HS6ST3: variants seen among roughly 807,000 people sequenced by gnomAD.
The protein encoded by HS6ST3 is heparan sulfate 6-O-sulfotransferase 3, also known as heparan-sulfate 6-O-sulfotransferase 3.
A neutral mutation model predicts 36.7 loss-of-function variants in HS6ST3; 12 were observed. The observed-to-expected ratio is 0.33, with a 90% CI of 0.21 to 0.53. The LOEUF (loss-of-function observed/expected upper bound fraction) is 0.53, where lower values mean the gene tolerates loss of function less well. Ranked by LOEUF, HS6ST3 falls within the 20% of genes least tolerant of loss-of-function variation. The pLI is 0.95. For synonymous variants in HS6ST3, 240 were observed against 257.5 expected (o/e 0.93, Z 0.65); for missense variants, 584 against 640.9 (o/e 0.91, Z 0.96).
intron 1 of HS6ST3, among the ~76,000 whole-genome samples, chr13:96,828,679 T>C (rs1273634317): frequency 6.7e-6 from 1 of 150,178 alleles, no homozygotes; most frequent in African/African-American, 2.5e-5. Context: ...CTGGAATGGG[T>C]TAGACTCTTA....
intron 1 of HS6ST3, among the ~76,000 whole-genome samples, chr13:96,622,608 A>G (rs910035414): frequency 3.3e-5 from 1 of 30,444 alleles, no homozygotes; most frequent in African/African-American, 1.3e-4. Flanking sequence ...CTTTTAAAAC[A>G]ATTACTATAA....
chr13:96,814,737 C>T (rs1282161040), intron 1 of HS6ST3, among the ~76,000 whole-genome samples: 2 of 152,020 alleles, frequency 1.3e-5, no homozygotes, highest in Non-Finnish European at 2.9e-5. Flanking sequence ...TGACAAGTTG[C>T]CGGGTCCCCA....
At chr13:96,122,034 G>A (rs1216284589) in intron 1 of HS6ST3, among the ~76,000 whole-genome samples, 1 of 151,714 alleles carries the variant, frequency 6.6e-6, no homozygotes. Flanking sequence ...GAATTTAGAC[G>A]CAATTCCTCT....
chr13:96,257,004 A>G (rs997647552), intron 1 of HS6ST3, among the ~76,000 whole-genome samples: 2 of 152,306 alleles, frequency 1.3e-5, no homozygotes, highest in Non-Finnish European at 2.9e-5. Flanking sequence ...CAGCTGGAGC[A>G]TTTCTCAAAA....
At chr13:96,790,070 A>C (rs562917773) in intron 1 of HS6ST3, among the ~76,000 whole-genome samples, 1 of 152,006 alleles carries the variant, frequency 6.6e-6, no homozygotes, top group African/African-American at 2.4e-5. Context: ...TTTTCCTGTG[A>C]GTCCACAAGG....
intron 1 of HS6ST3, among the ~76,000 whole-genome samples, chr13:96,102,555 T>C (rs557036965): frequency 1.2e-4 from 18 of 152,322 alleles, no homozygotes; most frequent in African/African-American, 4.1e-4. Context: ...GACTGAGGCC[T>C]AAAACACCAC....
intron 1 of HS6ST3, among the ~76,000 whole-genome samples, chr13:96,123,177 T>C (rs1450317179): frequency 2.6e-5 from 4 of 152,222 alleles, no homozygotes; most frequent in Admixed American, 2.6e-4. Flanking sequence ...AGCTACTTGC[T>C]ATCTCTACTT....
intron 1 of HS6ST3, among the ~76,000 whole-genome samples, chr13:96,820,726 A>G (rs949133793): frequency 1.3e-5 from 2 of 152,266 alleles, no homozygotes; most frequent in Non-Finnish European, 2.9e-5. Flanking sequence ...CTCCATATAA[A>G]GTGAAGTTCC....
intron 1 of HS6ST3, among the ~76,000 whole-genome samples, chr13:96,436,063 G>A (rs1218322744): frequency 1.3e-5 from 2 of 152,046 alleles, no homozygotes; most frequent in Non-Finnish European, 2.9e-5. Flanking sequence ...TGTTCTCTTT[G>A]GGTGTCTCTT....
At chr13:96,694,181 C>T (rs1875055792) in intron 1 of HS6ST3, among the ~76,000 whole-genome samples, 1 of 152,102 alleles carries the variant, frequency 6.6e-6, no homozygotes, top group African/African-American at 2.4e-5. Context: ...ACCCTCCATC[C>T]TCTGAAAGGC....
At chr13:96,653,306 CT>C (rs2056613881) in intron 1 of HS6ST3, among the ~76,000 whole-genome samples, 3 of 152,136 alleles carry the variant, frequency 2.0e-5, no homozygotes, top group African/African-American at 7.2e-5. Flanking sequence ...ATTTGTTGCA[CT>C]TATCAACCCG....
At chr13:96,625,894 C>T (rs2056510528) in intron 1 of HS6ST3, among the ~76,000 whole-genome samples, 1 of 151,466 alleles carries the variant, frequency 6.6e-6, no homozygotes, top group Admixed American at 6.6e-5. Flanking sequence ...AGGCTGGAAT[C>T]CAGTGGCGCG....
At chr13:96,496,022 G>A (rs1401874899) in intron 1 of HS6ST3, among the ~76,000 whole-genome samples, 2 of 152,212 alleles carry the variant, frequency 1.3e-5, no homozygotes, top group Admixed American at 1.3e-4. Flanking sequence ...CAATGGCAGA[G>A]GCCCCAGGCC....
intron 1 of HS6ST3, among the ~76,000 whole-genome samples, chr13:96,430,534 C>A (rs2055610007): frequency 6.6e-6 from 1 of 152,184 alleles, no homozygotes; most frequent in African/African-American, 2.4e-5. Flanking sequence ...ATGAACCAAG[C>A]CTCTATCCCA....
chr13:96,689,928 G>T (rs1318906574), intron 1 of HS6ST3, among the ~76,000 whole-genome samples: 1 of 151,942 alleles, frequency 6.6e-6, no homozygotes, highest in Non-Finnish European at 1.5e-5. Context: ...GCAGAAGGGG[G>T]TAGAACAAGT....
At chr13:96,379,903 C>A (rs943734749) in intron 1 of HS6ST3, among the ~76,000 whole-genome samples, 1 of 152,016 alleles carries the variant, frequency 6.6e-6, no homozygotes, top group African/African-American at 2.4e-5. Context: ...GATGAGCACT[C>A]TTTTTTTCAG....
intron 1 of HS6ST3, among the ~76,000 whole-genome samples, chr13:96,825,249 A>C (rs1878624368): frequency 6.6e-6 from 1 of 152,196 alleles, no homozygotes; most frequent in African/African-American, 2.4e-5. Flanking sequence ...TGGATAGGCA[A>C]GTCATAGCCT....
chr13:96,596,357 A>G (rs1331220868), intron 1 of HS6ST3, among the ~76,000 whole-genome samples: 3 of 152,310 alleles, frequency 2.0e-5, no homozygotes, highest in South Asian at 2.1e-4. Context: ...TTATTAACTC[A>G]TCAGTTGATG....
Position 96,305,427 on chromosome 13 carries a change from C to G in HS6ST3, c.707+213858C>G, listed in dbSNP as rs544277094. Among the ~76,000 whole-genome samples, 110 of 152,156 alleles carry G rather than the reference C, an allele frequency of 7.2e-4. 1 individual carries two copies. Among genetic ancestry groups the G allele is most frequent in the African/African-American group, 2.6e-3 (109 of 41,536 alleles). ...ATGCATCATTTATGGAGTTTTCTAA[C>G]TTGCTTTATTCTTCTCATCAAGTTT... On this transcript the variant is annotated intron_variant, in intron 1 of 1. Transcript: ENST00000376705.
Sources: allele counts gnomAD v4.1 joint callset (sites outside exome capture counted in the v4.1 genomes callset), GRCh38; gene constraint gnomAD v4.1.1; transcripts MANE v1.5; gene names NCBI Gene and HGNC (gene_info 2026-07-23, HGNC 2026-07-21).